The following CEP135 variants were observed in gnomAD, a reference collection of about 807,000 sequenced individuals.
CEP135 encodes centrosomal protein of 135 kDa.
Under a neutral mutation model 157.3 loss-of-function variants are expected in CEP135, and 142 were observed. That is an observed-to-expected ratio of 0.90 (90% confidence interval 0.79 to 1.04). The LOEUF (loss-of-function observed/expected upper bound fraction) is 1.04, where lower values mean the gene tolerates loss of function less well. CEP135 is among the 50% of genes least tolerant of loss of function. CEP135 has a pLI of 0.00. For synonymous variants in CEP135, 396 were observed against 439.8 expected, an observed-to-expected ratio of 0.90 and a Z score of 1.25; for missense variants, 1,317 against 1,309.2, an observed-to-expected ratio of 1.01 and a Z score of -0.09.
chr4:56,010,380 G>T (rs1307827423), intron 19 of CEP135, among the ~76,000 whole-genome samples: 1 of 148,302 alleles, frequency 6.7e-6, no homozygotes, highest in Non-Finnish European at 1.5e-5. Context: ...AAAAAAAAAT[G>T]GGCAACAGCG....
Position 56,008,389 on chromosome 4 carries a change from C to A in CEP135, c.2336+7C>A. 1 of 1,600,914 alleles carries A rather than the reference C, an allele frequency of 6.2e-7. No homozygotes were observed. Among genetic ancestry groups the A allele is most frequent in the Admixed American group, 1.7e-5 (1 of 58,356 alleles). On this transcript the variant is annotated splice_region_variant and intron_variant, in intron 18 of 25. Coordinates refer to ENST00000257287, the MANE Select transcript of CEP135 (RefSeq NM_025009.5). ...AGTGTGAATCATCTGTGAAGTAAGT[C>A]ATTAATGAAATTACATCCAGCTTTT...
At position 56,019,355 on chromosome 4, in the gene CEP135, T is replaced by C. The variant is rs1730890062; in HGVS notation, c.3015T>C (p.Val1005=). The C allele has an allele frequency of 6.2e-7, 1 of 1,608,160 alleles. No homozygotes were observed. The change falls in exon 23 of 26, where the codon GTT becomes GTC. Residue 1005 remains valine (V), a splice_region_variant and synonymous_variant. Transcript: ENST00000257287. ...ATCTTACTTTGTTTTTCACGTAGGT[T>C]GTGGTGGAATTAGAAAATGTAAAGT... The part of the protein sequence containing the change: ...LNSKNLEFER[V]VVELENVKSE...
At chr4:55,963,667 AC>A (rs1210232309) in intron 6 of CEP135, among the ~76,000 whole-genome samples, 1 of 152,162 alleles carries the variant, frequency 6.6e-6, no homozygotes, top group Non-Finnish European at 1.5e-5. Context: ...AATTGCTCAA[AC>A]CCGGGAGGCA....
chr4:56,001,000 A>G (rs1458610300), intron 17 of CEP135, among the ~76,000 whole-genome samples: 1 of 152,112 alleles, frequency 6.6e-6, no homozygotes, highest in Non-Finnish European at 1.5e-5. Flanking sequence ...TTCTCTGATA[A>G]TTAGTCATGT....
At chr4:55,984,753 T>C (rs369212030) in intron 13 of CEP135, among the ~76,000 whole-genome samples, 9 of 152,346 alleles carry the variant, frequency 5.9e-5, no homozygotes, top group African/African-American at 2.2e-4. Flanking sequence ...TATCCTAGAC[T>C]TAGCAGCAGT....
At chr4:55,984,398 T>C (rs1729507579) in intron 13 of CEP135, among the ~76,000 whole-genome samples, 1 of 152,206 alleles carries the variant, frequency 6.6e-6, no homozygotes, top group Admixed American at 6.5e-5. Flanking sequence ...TAGATTCCCT[T>C]TTGATATTTT....
chr4:56,001,507 A>G (rs1730169270), intron 17 of CEP135, among the ~76,000 whole-genome samples: 1 of 152,180 alleles, frequency 6.6e-6, no homozygotes, highest in Non-Finnish European at 1.5e-5. Context: ...CATTTATTGA[A>G]AAGACTGCCC....
chr4:55,997,601 G>A (rs1055241358), intron 15 of CEP135, among the ~76,000 whole-genome samples: 1 of 152,140 alleles, frequency 6.6e-6, no homozygotes, highest in Non-Finnish European at 1.5e-5. Context: ...TGCAAAGAAG[G>A]CATTATGATG....
chr4:56,017,567 A>T, intron 21 of CEP135, 81 bp from the exon 22 acceptor site: 1 of 1,227,172 alleles, frequency 8.1e-7, no homozygotes, highest in Non-Finnish European at 1.1e-6. Context: ...TTCTAAAGTG[A>T]GATTGTTGGC....
chr4:56,027,670 G>T (rs1731200333), intron 25 of CEP135, among the ~76,000 whole-genome samples: 1 of 151,536 alleles, frequency 6.6e-6, no homozygotes, highest in Non-Finnish European at 1.5e-5. Context: ...TGATGAATTA[G>T]ACACTGCATT....
At position 56,003,568 on chromosome 4, in the gene CEP135, C is replaced by A. The variant is rs867364780; in HGVS notation, c.2280+3923C>A. On this transcript the variant is annotated intron_variant, in intron 17 of 25. Coordinates refer to ENST00000257287, the MANE Select transcript of CEP135 (RefSeq NM_025009.5). ...TTGCTCTGATCTTTATTCTTTCTGG[C>A]CTTCTACTAACTTGGAGTTTGGTTT... is the stretch of plus-strand genomic sequence containing the variant. Among the ~76,000 whole-genome samples, 3 of 152,164 alleles carry A rather than the reference C, an allele frequency of 2.0e-5. No individual in the cohort carries two copies. In the South Asian group the frequency reaches 6.2e-4, roughly 32 times the overall value.
chr4:56,023,120 C>G (rs1170569209), intron 24 of CEP135, among the ~76,000 whole-genome samples: 1 of 152,048 alleles, frequency 6.6e-6, no homozygotes, highest in Non-Finnish European at 1.5e-5. Context: ...GTAGTCCCAG[C>G]TCCTCAGGAG....
intron 25 of CEP135, among the ~76,000 whole-genome samples, chr4:56,027,075 T>C (rs1385735407): frequency 5.3e-5 from 8 of 152,208 alleles, no homozygotes; most frequent in Non-Finnish European, 5.9e-5. Flanking sequence ...GCTTTTGTGT[T>C]TGATTAGGGC....
At chr4:55,995,126 G>T (rs1729926784) in intron 15 of CEP135, among the ~76,000 whole-genome samples, 1 of 152,132 alleles carries the variant, frequency 6.6e-6, no homozygotes, top group African/African-American at 2.4e-5. Flanking sequence ...AGCATTTAAT[G>T]AGATCTGGCA....
Position 55,981,757 on chromosome 4 carries a change from T to A in CEP135, c.1779+378T>A, listed in dbSNP as rs142582618. 3.4e-3 allele frequency among the ~76,000 whole-genome samples: 517 copies of A among 152,362 alleles called. 2 individuals are homozygous for A. The highest frequency in any genetic ancestry group is 5.8e-3 in the Non-Finnish European group (398 of 68,036). On this transcript the variant is annotated intron_variant, in intron 13 of 25. Transcript: ENST00000257287. ...CAGAGATATTCACATACCATACAAT[T>A]CACCCACTTAAAGTATACCATTTCA... is the stretch of plus-strand genomic sequence containing the variant.
At chr4:56,029,549 A>G (rs1731268583) in intron 25 of CEP135, among the ~76,000 whole-genome samples, 1 of 152,308 alleles carries the variant, frequency 6.6e-6, no homozygotes, top group Non-Finnish European at 1.5e-5. Flanking sequence ...GCTTAACAAC[A>G]GGGGATATGT....
Position 55,965,836 on chromosome 4 carries a change from G to A in CEP135, c.1021G>A (p.Asp341Asn). The A allele has an allele frequency of 6.2e-7, 1 of 1,613,298 alleles. No homozygotes were observed. Among genetic ancestry groups the A allele is most frequent in the Non-Finnish European group, 8.5e-7 (1 of 1,179,500 alleles). ...RHKEEVLETADKELGEAKKEI... is the reference protein window; with the variant it reads ...RHKEEVLETANKELGEAKKEI... Reference sequence around the variant, plus strand: ...TAAAGAAGAAGTGCTTGAGACTGCTGATAAAGAGCTTGGGGAAGCAAAGGT... The same window carrying A: ...TAAAGAAGAAGTGCTTGAGACTGCTAATAAAGAGCTTGGGGAAGCAAAGGT... The change falls in exon 8 of 26, where the codon GAT becomes AAT. Residue 341 changes from aspartate to asparagine, a missense_variant. Physicochemically the swap from Asp to Asn is conservative, Grantham distance 23. Coordinates refer to ENST00000257287, the MANE Select transcript of CEP135 (RefSeq NM_025009.5).
chr4:55,999,264 T>TA (rs771887487), intron 15 of CEP135, 38 bp from the exon 16 acceptor site: 1 of 1,439,206 alleles, frequency 6.9e-7, no homozygotes, highest in South Asian at 1.2e-5. Flanking sequence ...CTATGAGAGA[T>TA]AAAGAATACC....
At chr4:55,991,318 CTTTT>C (rs36216484) in intron 14 of CEP135, among the ~76,000 whole-genome samples, 1 of 133,602 alleles carries the variant, frequency 7.5e-6, no homozygotes, top group African/African-American at 2.7e-5. Context: ...CTGTTTTTTT[CTTTT>C]TTTTTTTTTT....
Sources: gnomAD v4.1 joint callset for allele counts (sites outside exome capture counted in the v4.1 genomes callset) on GRCh38, gnomAD v4.1.1 for gene constraint, MANE v1.5 for transcripts, NCBI Gene and HGNC (gene_info 2026-07-23, HGNC 2026-07-21) for gene names.